Variants in RIF1 observed in about 807,000 individuals in gnomAD.
RIF1 encodes telomere-associated protein RIF1.
Under a neutral mutation model 247.1 loss-of-function variants are expected in RIF1, and 45 were observed. The observed-to-expected ratio is 0.18, with a 90% confidence interval of 0.14 to 0.23. The LOEUF (loss-of-function observed/expected upper bound fraction) is 0.23. RIF1 is among the 10% of genes least tolerant of loss of function. The pLI is 1.00. For missense variants in RIF1, 2,967 were observed against 2,862.5 expected (o/e 1.04, Z -0.83); for synonymous variants, 1,087 against 978.8 (o/e 1.11, Z -2.06).
chr2:151,495,072 C>T (rs1191897389), intron 9 of RIF1: 2 of 152,268 alleles, frequency 1.3e-5, no homozygotes, highest in East Asian at 3.8e-4. Context: ...TTGCTATCCT[C>T]TATGCTCTGC....
intron 7 of RIF1, among the ~76,000 whole-genome samples, chr2:151,421,773 A>G (rs1440618892): frequency 6.6e-6 from 1 of 152,152 alleles, no homozygotes. Flanking sequence ...TCAGTATGAC[A>G]CAGTAACTCG....
At chr2:151,524,650 G>C in the RIF1 span, 7 of 512,628 alleles carry the variant, frequency 1.4e-5, no homozygotes, top group Middle Eastern at 5.7e-4. Context: ...ACTCAAGAGA[G>C]AGGCTTTTTT....
rs1685958425 is a variant in RIF1, at chr2:151,410,514, C to G, written c.91C>G (p.Leu31Val). 3.1e-6 allele frequency: 5 copies of G among 1,613,600 alleles called. No individual in the cohort carries two copies. The highest frequency in any genetic ancestry group is 1.7e-5 in the Admixed American group (1 of 59,986). The change falls in exon 2 of 36, where the codon CTG (leucine) becomes GTG (valine). Residue 31 changes from leucine to valine, a missense_variant. Coordinates refer to ENST00000444746, the MANE Select transcript of RIF1 (RefSeq NM_018151.5). ...CCATGGAGGGCAGACTGACGCTTAC[C>G]TGACTCTGACCAGGTGAGGTCCGCC... ...ASHGGQTDAY[L>V]TLTSRMTGEE...
intron 3 of RIF1, 124 bp from the exon 4 acceptor site, chr2:151,414,699 G>T: frequency 5.0e-6 from 3 of 603,282 alleles, no homozygotes; most frequent in South Asian, 2.3e-5. Flanking sequence ...TATTTTTTAT[G>T]CGTATTCTCA....
chr2:151,412,343 T>C (rs76006925), intron 3 of RIF1, among the ~76,000 whole-genome samples: 4,546 of 152,240 alleles, frequency 0.03, 124 homozygotes, highest in East Asian at 0.14. Context: ...CTTGTGCTTT[T>C]ATTTTTGTTT....
chr2:151,428,624 T>A (rs1454467708), intron 8 of RIF1, among the ~76,000 whole-genome samples, 160 bp from the exon 9 acceptor site: 1 of 152,236 alleles, frequency 6.6e-6, no homozygotes, highest in Admixed American at 6.6e-5. Context: ...ATCTAACATT[T>A]AACACATCTC....
chr2:151,498,435 A>G, intron 10 of RIF1: 3 of 921,010 alleles, frequency 3.3e-6, no homozygotes, highest in Non-Finnish European at 5.0e-6. Context: ...GGGAGTGGGA[A>G]GGGAGGAAGA....
chr2:151,448,064 CAG>C (rs1472430193), intron 20 of RIF1, among the ~76,000 whole-genome samples: 3 of 150,946 alleles, frequency 2.0e-5, no homozygotes, highest in East Asian at 1.9e-4. Flanking sequence ...GCCCCTGAGA[CAG>C]AGTCTCACAG....
rs1047974275 is a variant in RIF1 at position 151,477,295 on chromosome 2, T to C, written c.*2224T>C. The C allele has an allele frequency of 2.0e-5, 3 of 152,238 alleles. No homozygotes were observed. Among genetic ancestry groups the C allele is most frequent in the Non-Finnish European group, 2.9e-5 (2 of 68,038 alleles). 9.4% of individuals were successfully genotyped at this position (152,238 alleles called of 1,614,324 possible). A position where few individuals can be genotyped will look rare whatever the true frequency, so the allele number is the denominator to read the frequency against. ...CACTATTAAAATGGAATTCGTTTTT[T>C]CAGATCTTTTCTAATGGTTAATAAA... On this transcript the variant is annotated 3_prime_UTR_variant, in exon 36 of 36. Coordinates refer to ENST00000444746, the MANE Select transcript of RIF1 (RefSeq NM_018151.5).
chr2:151,526,280 G>A, the RIF1 span: 1 of 1,545,908 alleles, frequency 6.5e-7, no homozygotes, highest in African/African-American at 1.4e-5. Flanking sequence ...GGCAGGAAAA[G>A]GGGCATTTCT....
chr2:151,484,108 T>C (rs1403718280), downstream of RIF1, among the ~76,000 whole-genome samples: 3 of 152,372 alleles, frequency 2.0e-5, no homozygotes, highest in African/African-American at 4.8e-5. Context: ...TCTTTTTTTT[T>C]CTGAATATTT....
downstream of RIF1, among the ~76,000 whole-genome samples, chr2:151,484,596 C>T (rs2049393424): frequency 6.6e-6 from 1 of 151,846 alleles, no homozygotes; most frequent in Non-Finnish European, 1.5e-5. Context: ...ACTCTGTCTC[C>T]AAACAAAAAA....
the RIF1 span, chr2:151,529,117 G>A: frequency 2.2e-5 from 18 of 822,040 alleles, no homozygotes; most frequent in African/African-American, 2.9e-4. Context: ...AATCACTAGA[G>A]CTGAATTGCC....
chr2:151,433,321 A>G (rs1487290954), intron 10 of RIF1, 93 bp downstream of exon 10: 13 of 989,396 alleles, frequency 1.3e-5, no homozygotes, highest in South Asian at 1.8e-5. Context: ...TATTTTTGCT[A>G]TTTATTAGCA....
chr2:151,533,312 ATATT>A, the RIF1 span: 1 of 636,740 alleles, frequency 1.6e-6, no homozygotes, highest in Non-Finnish European at 2.7e-6. Context: ...CAAGGAATGA[ATATT>A]TACATAGCTT....
chr2:151,494,608 G>A (rs897922544), intron 9 of RIF1, among the ~76,000 whole-genome samples: 7 of 152,102 alleles, frequency 4.6e-5, no homozygotes, highest in African/African-American at 1.7e-4. Context: ...GAAGGTTGAG[G>A]CTGTTCCTAA....
intron 9 of RIF1, among the ~76,000 whole-genome samples, chr2:151,488,627 T>TA (rs1237009395): frequency 1.3e-5 from 2 of 151,902 alleles, no homozygotes; most frequent in African/African-American, 4.8e-5. Flanking sequence ...GCCTGGGTGA[T>TA]AGAGTGAGAC....
chr2:151,439,610 A>T lies in RIF1; in HGVS notation c.1547-417A>T, dbSNP rs564463424. Among the ~76,000 whole-genome samples, 4 of 150,810 alleles carry T rather than the reference A, an allele frequency of 2.7e-5. No homozygotes were observed. In the South Asian group the frequency reaches 8.4e-4, roughly 32 times the overall value. Reference sequence around the variant, plus strand: ...CTTGAACCTGGGAGGCGGAGGTTGCAGTGAGCTGAGATGGCGCCATTGCAC... The same window carrying T: ...CTTGAACCTGGGAGGCGGAGGTTGCTGTGAGCTGAGATGGCGCCATTGCAC... On this transcript the variant is annotated intron_variant, in intron 14 of 35. Coordinates refer to ENST00000444746, the MANE Select transcript of RIF1 (RefSeq NM_018151.5).
chr2:151,458,939 GT>G, intron 25 of RIF1, 29 bp downstream of exon 25: 1 of 1,331,224 alleles, frequency 7.5e-7, no homozygotes, highest in Non-Finnish European at 1.1e-6. Flanking sequence ...TTGTTCATTT[GT>G]TTTTGGACAT....
Sources: gnomAD v4.1 joint callset for allele counts (sites outside exome capture counted in the v4.1 genomes callset) on GRCh38, gnomAD v4.1.1 for gene constraint, MANE v1.5 for transcripts, NCBI Gene and HGNC (gene_info 2026-07-23, HGNC 2026-07-21) for gene names.